ROBO2: variants seen among roughly 807,000 people sequenced by gnomAD.
The protein encoded by ROBO2 is roundabout homolog 2.
In ROBO2, 53 loss-of-function variants were observed where a neutral mutation model predicts 160.8. The observed-to-expected ratio is 0.33, with a 90% CI of 0.26 to 0.41. ROBO2 has a LOEUF of 0.41. Ranked by LOEUF, ROBO2 falls within the 10% of genes least tolerant of loss-of-function variation. The probability of loss-of-function intolerance (pLI) is 1.00; values close to 1 mark genes in which losing one functional copy is unlikely to be tolerated. For missense variants in ROBO2, 1,577 were observed against 1,722.4 expected (o/e 0.92, Z 1.49); for synonymous variants, 664 against 611.7 (o/e 1.09, Z -1.26).
intron 2 of ROBO2, among the ~76,000 whole-genome samples, chr3:76,100,883 T>G (rs902835665): frequency 6.6e-6 from 1 of 152,218 alleles, no homozygotes; most frequent in Non-Finnish European, 1.5e-5. Flanking sequence ...GTGCCTATGA[T>G]GTACCAAGTA....
chr3:76,011,125 C>T (rs917217297), intron 2 of ROBO2, among the ~76,000 whole-genome samples: 1 of 152,192 alleles, frequency 6.6e-6, no homozygotes, highest in African/African-American at 2.4e-5. Flanking sequence ...CCCTCCCTTT[C>T]CTACCATGTA....
chr3:77,095,144 A>G (rs2070873544), intron 1 of ROBO2, among the ~76,000 whole-genome samples: 1 of 152,184 alleles, frequency 6.6e-6, no homozygotes, highest in Non-Finnish European at 1.5e-5. Flanking sequence ...ATCATTTCAT[A>G]GTTTTACTTT....
intron 2 of ROBO2, among the ~76,000 whole-genome samples, chr3:77,318,767 A>G (rs1224941591): frequency 3.3e-5 from 5 of 152,208 alleles, no homozygotes; most frequent in Admixed American, 6.5e-5. Flanking sequence ...ATTGCCCTGT[A>G]AGTTGTAAGT....
chr3:77,629,686 C>T (rs1305989729), intron 23 of ROBO2: 2 of 152,148 alleles, frequency 1.3e-5, no homozygotes, highest in Admixed American at 1.3e-4. Flanking sequence ...ATAGTGTCAT[C>T]ATATTCCTTA....
chr3:76,754,440 G>A lies in ROBO2; in HGVS notation c.110-343574G>A, dbSNP rs114594552. ...ATAACCCCTTCATAATTCCTAAACT[G>A]CACTGTGATTTCCCCAGTCTTGCTG... On this transcript the variant is annotated intron_variant, in intron 2 of 26. Transcript: ENST00000487694. 2.1e-3 allele frequency among the ~76,000 whole-genome samples: 326 copies of A among 151,892 alleles called. 1 individual carries two copies. Among genetic ancestry groups the A allele is most frequent in the Non-Finnish European group, 4.0e-3 (269 of 67,874 alleles).
chr3:77,120,261 C>T (rs547704716), intron 2 of ROBO2, among the ~76,000 whole-genome samples: 1 of 152,222 alleles, frequency 6.6e-6, no homozygotes, highest in African/African-American at 2.4e-5. Flanking sequence ...AGAGATATGG[C>T]AAAGAACTAA....
chr3:77,129,237 T>C (rs2150338704), intron 2 of ROBO2, among the ~76,000 whole-genome samples: 1 of 152,312 alleles, frequency 6.6e-6, no homozygotes, highest in Non-Finnish European at 1.5e-5. Context: ...ATTTATGGTG[T>C]ACAGTGGGAT....
At chr3:77,191,656 A>C (rs2081865646) in intron 2 of ROBO2, among the ~76,000 whole-genome samples, 1 of 152,204 alleles carries the variant, frequency 6.6e-6, no homozygotes, top group Non-Finnish European at 1.5e-5. Flanking sequence ...AATTAGACTT[A>C]AAGAACAAAG....
intron 2 of ROBO2, among the ~76,000 whole-genome samples, chr3:76,118,680 T>A (rs2070583023): frequency 6.6e-6 from 1 of 152,188 alleles, no homozygotes; most frequent in Admixed American, 6.6e-5. Flanking sequence ...TTCTGGGAAG[T>A]TATTTTGCTT....
intron 2 of ROBO2, among the ~76,000 whole-genome samples, chr3:76,768,627 T>A (rs532426717): frequency 1.3e-5 from 2 of 150,776 alleles, no homozygotes; most frequent in East Asian, 3.9e-4. Flanking sequence ...AGAATAAAGA[T>A]TTAATATAAT....
intron 2 of ROBO2, among the ~76,000 whole-genome samples, chr3:76,272,463 G>C (rs950248491): frequency 1.3e-5 from 2 of 151,498 alleles, no homozygotes; most frequent in African/African-American, 4.9e-5. Context: ...AAGAGGTCGA[G>C]ACCAGCCTGG....
chr3:76,629,933 A>G (rs1305717745), intron 2 of ROBO2, among the ~76,000 whole-genome samples: 2 of 152,140 alleles, frequency 1.3e-5, no homozygotes, highest in Non-Finnish European at 2.9e-5. Flanking sequence ...CCATGATGAC[A>G]TGCTTGCTGT....
chr3:77,536,560 T>G (rs1456485996), intron 6 of ROBO2, among the ~76,000 whole-genome samples: 1 of 152,146 alleles, frequency 6.6e-6, no homozygotes. Flanking sequence ...ACCTTCATTG[T>G]ATTGTAACAT....
chr3:77,136,881 C>T (rs377155150), intron 2 of ROBO2, among the ~76,000 whole-genome samples: 5 of 152,028 alleles, frequency 3.3e-5, no homozygotes, highest in Admixed American at 2.0e-4. Flanking sequence ...GTGATCCGCC[C>T]GCCTCGGCCT....
chr3:77,173,575 C>T (rs529036911), intron 2 of ROBO2, among the ~76,000 whole-genome samples: 4 of 152,052 alleles, frequency 2.6e-5, no homozygotes, highest in Middle Eastern at 3.4e-3. Flanking sequence ...AGTAACTTAA[C>T]CTTTTATGAC....
At chr3:76,858,300 C>T in intron 2 of ROBO2, among the ~76,000 whole-genome samples, 1 of 152,032 alleles carries the variant, frequency 6.6e-6, no homozygotes, top group East Asian at 1.9e-4. Flanking sequence ...GGAGGCAGAG[C>T]CTTTCTCTGT....
chr3:76,756,474 A>G (rs1437868163), intron 2 of ROBO2, among the ~76,000 whole-genome samples: 1 of 151,844 alleles, frequency 6.6e-6, no homozygotes, highest in Non-Finnish European at 1.5e-5. Context: ...GTGAAAAAGT[A>G]GTATATACTT....
intron 1 of ROBO2, among the ~76,000 whole-genome samples, chr3:77,071,490 C>T (rs528133336): frequency 1.3e-4 from 20 of 152,172 alleles, no homozygotes; most frequent in Non-Finnish European, 2.8e-4. Flanking sequence ...CTTCCCCATT[C>T]GCAAAACTCA....
rs62249855 is a variant in ROBO2 at position 77,442,565 on chromosome 3, A to G, written c.389-34849A>G. ...GTCTAAGGATAAGCATTTAAAACTT[A>G]TACATATCAAAACAGTCTCCAATAC... On this transcript the variant is annotated intron_variant, in intron 2 of 25. Transcript: ENST00000461745. Among the ~76,000 whole-genome samples, 1,001 of 152,352 alleles carry G rather than the reference A, an allele frequency of 6.6e-3. 10 individuals are homozygous for G. The highest frequency in any genetic ancestry group is 0.031 in the Middle Eastern group (9 of 290).
Sources: allele counts gnomAD v4.1 joint callset (sites outside exome capture counted in the v4.1 genomes callset), GRCh38; gene constraint gnomAD v4.1.1; transcripts MANE v1.5; gene names NCBI Gene and HGNC (gene_info 2026-07-23, HGNC 2026-07-21).